ZFYVE9: variants seen among roughly 807,000 people sequenced by gnomAD.
ZFYVE9 encodes the protein zinc finger FYVE domain-containing protein 9.
A neutral mutation model predicts 126.7 loss-of-function variants in ZFYVE9; 43 were observed. That is an observed-to-expected ratio of 0.34 (90% CI 0.27 to 0.44). ZFYVE9 has a LOEUF of 0.44. ZFYVE9 is among the 20% of genes least tolerant of loss of function. ZFYVE9 has a pLI of 1.00. For missense variants in ZFYVE9, 1,476 were observed against 1,697.0 expected (o/e 0.87, Z 2.29); for synonymous variants, 521 against 597.4 (o/e 0.87, Z 1.87).
At chr1:52,339,830 A>G (rs1227018976) in intron 16 of ZFYVE9, among the ~76,000 whole-genome samples, 1 of 152,230 alleles carries the variant, frequency 6.6e-6, no homozygotes, top group Non-Finnish European at 1.5e-5. Flanking sequence ...TACTGGAAGA[A>G]GAGCAGGTTT....
intron 1 of ZFYVE9, among the ~76,000 whole-genome samples, chr1:52,151,310 A>C (rs1306247555): frequency 6.6e-6 from 1 of 152,202 alleles, no homozygotes; most frequent in Non-Finnish European, 1.5e-5. Flanking sequence ...ACTCTTACTA[A>C]GGATATTATA....
chr1:52,342,908 T>G (rs1646451556), intron 17 of ZFYVE9, among the ~76,000 whole-genome samples: 1 of 148,624 alleles, frequency 6.7e-6, no homozygotes. Context: ...CAGAGGCAAA[T>G]TAATTTTTTT....
intron 1 of ZFYVE9, among the ~76,000 whole-genome samples, chr1:52,208,931 A>G (rs1257115040): frequency 6.6e-6 from 1 of 152,188 alleles, no homozygotes; most frequent in African/African-American, 2.4e-5. Context: ...GATCCTTTGT[A>G]TGGGACTATT....
At chr1:52,246,353 G>C (rs1645383583) in intron 4 of ZFYVE9, among the ~76,000 whole-genome samples, 1 of 152,154 alleles carries the variant, frequency 6.6e-6, no homozygotes, top group East Asian at 1.9e-4. Context: ...ATTAGTTGCA[G>C]TTTATTTTTG....
chr1:52,303,682 A>G, intron 12 of ZFYVE9, 139 bp from the exon 13 acceptor site: 1 of 482,712 alleles, frequency 2.1e-6, no homozygotes, highest in East Asian at 3.6e-5. Context: ...TGGGGCTTTC[A>G]TTATACATTT....
chr1:52,288,153 C>T (rs72895936), intron 10 of ZFYVE9, among the ~76,000 whole-genome samples: 2 of 152,272 alleles, frequency 1.3e-5, no homozygotes, highest in African/African-American at 4.8e-5. Flanking sequence ...TCTATTTACA[C>T]ATGAGGAAAA....
intron 1 of ZFYVE9, among the ~76,000 whole-genome samples, chr1:52,213,104 G>A (rs1645042422): frequency 6.6e-6 from 1 of 152,090 alleles, no homozygotes; most frequent in Admixed American, 6.6e-5. Context: ...GCTCATTCTG[G>A]GTAAAAAGTA....
chr1:52,235,318 CTG>C (rs1423409136), intron 3 of ZFYVE9, among the ~76,000 whole-genome samples: 1 of 152,080 alleles, frequency 6.6e-6, no homozygotes, highest in Middle Eastern at 3.2e-3. Context: ...ATACCACAGA[CTG>C]TGATGACACT....
At chr1:52,325,963 T>C (rs749857260) in intron 13 of ZFYVE9, among the ~76,000 whole-genome samples, 1 of 152,234 alleles carries the variant, frequency 6.6e-6, no homozygotes, top group Non-Finnish European at 1.5e-5. Context: ...CTGTGTTCTT[T>C]TAATTGGCTC....
intron 12 of ZFYVE9, among the ~76,000 whole-genome samples, chr1:52,299,781 C>G (rs1055385409): frequency 3.3e-5 from 5 of 152,196 alleles, no homozygotes; most frequent in African/African-American, 1.2e-4. Flanking sequence ...TGGAGAGATG[C>G]AGTGGCAATT....
At position 52,293,546 on chromosome 1, in the gene ZFYVE9, AC is replaced by A. The variant is rs1557504825; in HGVS notation, c.3121del (p.Gln1041SerfsTer6). On this transcript the variant is annotated frameshift_variant, in exon 11 of 19. Coordinates refer to ENST00000287727, the MANE Select transcript of ZFYVE9 (RefSeq NM_004799.4). LOFTEE classifies it high-confidence loss of function. ...GGATTCTTATATGTGACATCTACCT[AC>A]CAGTCACTGCAAGACCTAGTACTCC... Reference protein sequence around the residue: ...HGGFLYVTSTYQSLQDLVLPT... With the variant: ...HGGFLYVTSTXQSLQDLVLPT... 6.2e-7 allele frequency: 1 copy of A among 1,614,118 alleles called. No homozygotes were observed. Among genetic ancestry groups the A allele is most frequent in the East Asian group, 2.2e-5 (1 of 44,874 alleles).
intron 1 of ZFYVE9, among the ~76,000 whole-genome samples, chr1:52,211,260 A>T (rs1310801228): frequency 2.6e-5 from 4 of 152,158 alleles, no homozygotes; most frequent in African/African-American, 9.7e-5. Context: ...GGAGACATAG[A>T]TTTCACCACT....
intron 1 of ZFYVE9, among the ~76,000 whole-genome samples, chr1:52,192,274 G>A (rs1190973807): frequency 6.6e-6 from 1 of 152,206 alleles, no homozygotes. Flanking sequence ...CATTGTGGGA[G>A]TGATACCAAG....
chr1:52,260,545 G>A (rs187751572), intron 4 of ZFYVE9, among the ~76,000 whole-genome samples: 7 of 152,130 alleles, frequency 4.6e-5, no homozygotes, highest in Admixed American at 3.9e-4. Flanking sequence ...GGCTGGGCAC[G>A]GTAGTTCACA....
chr1:52,180,571 A>G, intron 1 of ZFYVE9: 1 of 632,138 alleles, frequency 1.6e-6, no homozygotes, highest in Non-Finnish European at 2.8e-6. Flanking sequence ...AGCTGCTATC[A>G]CTTTCTTGTG....
At chr1:52,266,920 A>G (rs1645639515) in intron 6 of ZFYVE9, 89 bp downstream of exon 6, 1 of 1,260,378 alleles carries the variant, frequency 7.9e-7, no homozygotes, top group Non-Finnish European at 1.1e-6. Flanking sequence ...AAGTCTTAAA[A>G]AACACTGCAG....
At position 52,346,366 on chromosome 1, in the gene ZFYVE9, A is replaced by C; in HGVS notation, c.*145A>C. The C allele has an allele frequency of 1.3e-6, 1 of 740,800 alleles. No individual in the cohort carries two copies. Among genetic ancestry groups the C allele is most frequent in the Non-Finnish European group, 2.0e-6 (1 of 509,652 alleles). The allele number at this position is 740,800 out of a possible 1,614,324, so 45.9% of individuals were successfully genotyped here. On this transcript the variant is annotated 3_prime_UTR_variant, in exon 19 of 19. Transcript: ENST00000287727. ...TAGGGTGGGAGTGGGGGTTTGGGAG[A>C]CGGGTGGGAAAGGGTGGTTGGGGGG...
intron 1 of ZFYVE9, among the ~76,000 whole-genome samples, chr1:52,188,372 A>T (rs566662959): frequency 1.3e-5 from 2 of 152,204 alleles, no homozygotes; most frequent in Non-Finnish European, 2.9e-5. Context: ...AATAAGTATT[A>T]GGTACTAGGC....
intron 4 of ZFYVE9, among the ~76,000 whole-genome samples, chr1:52,242,788 T>A (rs1364756338): frequency 6.6e-6 from 1 of 152,324 alleles, no homozygotes; most frequent in Non-Finnish European, 1.5e-5. Context: ...CCTCATACTT[T>A]GCATGAAAAT....
Sources: gnomAD v4.1 joint callset for allele counts (sites outside exome capture counted in the v4.1 genomes callset) on GRCh38, gnomAD v4.1.1 for gene constraint, MANE v1.5 for transcripts, NCBI Gene and HGNC (gene_info 2026-07-23, HGNC 2026-07-21) for gene names.